Variants in NRCAM observed in about 807,000 individuals in gnomAD.
NRCAM encodes the protein neuronal cell adhesion molecule, also known as NgCAM-related cell adhesion molecule.
In NRCAM, 83 loss-of-function variants were observed where a neutral mutation model predicts 156.5. That is an observed-to-expected ratio of 0.53 (90% CI 0.44 to 0.64). The LOEUF is 0.64. Ranked by LOEUF, NRCAM falls within the 30% of genes least tolerant of loss-of-function variation. The probability of loss-of-function intolerance (pLI) is 0.00; values close to 1 mark genes in which losing one functional copy is unlikely to be tolerated. For missense variants in NRCAM, 1,417 were observed against 1,597.3 expected, an observed-to-expected ratio of 0.89 and a Z score of 1.92; for synonymous variants, 538 against 563.9, an observed-to-expected ratio of 0.95 and a Z score of 0.65.
chr7:108,369,068 A>T (rs1478287497), intron 2 of NRCAM, among the ~76,000 whole-genome samples: 3 of 152,190 alleles, frequency 2.0e-5, no homozygotes, highest in Non-Finnish European at 4.4e-5. Flanking sequence ...TGTAAAACCA[A>T]TTTGAAGATT....
At chr7:108,247,401 T>C (rs1266119945) in intron 3 of NRCAM, among the ~76,000 whole-genome samples, 1 of 152,210 alleles carries the variant, frequency 6.6e-6, no homozygotes, top group African/African-American at 2.4e-5. Flanking sequence ...TGTGGCAATG[T>C]AGACTTCTCT....
intron 5 of NRCAM, among the ~76,000 whole-genome samples, chr7:108,237,118 C>T (rs75430953): frequency 0.015 from 2,302 of 152,220 alleles, 52 homozygotes; most frequent in African/African-American, 0.047. Flanking sequence ...TTATCAAATG[C>T]CTGAAAACTG....
At chr7:108,209,971 T>C (rs1243024813) in intron 11 of NRCAM, among the ~76,000 whole-genome samples, 1 of 152,222 alleles carries the variant, frequency 6.6e-6, no homozygotes, top group East Asian at 1.9e-4. Context: ...ATTATATTAA[T>C]GATACTGAAT....
chr7:108,205,654 C>CT lies in NRCAM; in HGVS notation c.1207+1873dup, dbSNP rs1219904740. ...ACTTCCATAAATGGACACAAAAACT[C>CT]TGAGCTGCAAAACATGGTGCAAAAG... On this transcript the variant is annotated intron_variant, in intron 13 of 32. Coordinates refer to ENST00000379028, the MANE Select transcript of NRCAM (RefSeq NM_001037132.4). Among the ~76,000 whole-genome samples the CT allele has an allele frequency of 7.2e-5, 11 of 152,320 alleles. No homozygotes were observed. In the South Asian group the frequency reaches 2.3e-3, roughly 32 times the overall value.
intron 2 of NRCAM, among the ~76,000 whole-genome samples, chr7:108,331,564 T>C (rs1350555235): frequency 6.6e-6 from 1 of 152,206 alleles, no homozygotes. Context: ...AGTACCTTCT[T>C]TGGAAGGCTA....
rs1223944631 is a variant in NRCAM at position 108,149,848 on chromosome 7, GACAA to G, written c.*58_*61del. The stretch of plus-strand genomic sequence containing the variant: ...CATATGTTCATAGTATGAGAGGGCT[GACAA>G]ACAAGTGCTTAGGATAAACATTCTA... On this transcript the variant is annotated 3_prime_UTR_variant, in exon 33 of 33. Coordinates refer to ENST00000379028, the MANE Select transcript of NRCAM (RefSeq NM_001037132.4). 19 of 1,371,012 alleles carry G rather than the reference GACAA, an allele frequency of 1.4e-5. No homozygotes were observed. Among genetic ancestry groups the G allele is most frequent in the Middle Eastern group, 1.8e-4 (1 of 5,410 alleles). 84.9% of individuals were successfully genotyped at this position (1,371,012 alleles called of 1,614,324 possible).
Position 108,194,012 on chromosome 7 carries a change from G to C in NRCAM, c.1778+12C>G. ...AGAATGAAGAGAAAGTAAAGAAATC[G>C]TCTTCAAATACCTTTCATCACTGGG... On this transcript the variant is annotated intron_variant, in intron 17 of 32. Transcript: ENST00000379028. The C allele has an allele frequency of 6.2e-7, 1 of 1,609,988 alleles. No homozygotes were observed. Among genetic ancestry groups the C allele is most frequent in the Non-Finnish European group, 8.5e-7 (1 of 1,177,370 alleles).
At chr7:108,312,597 C>T (rs1002723561) in intron 3 of NRCAM, 68 bp downstream of exon 3, 1 of 152,148 alleles carries the variant, frequency 6.6e-6, no homozygotes, top group African/African-American at 2.4e-5. Context: ...TACATAATCA[C>T]ATTATTTAAT....
intron 3 of NRCAM, among the ~76,000 whole-genome samples, chr7:108,268,619 T>TGGGGGGGGGGGGGGGG (rs1230361621): frequency 2.0e-5 from 1 of 49,266 alleles, no homozygotes; most frequent in African/African-American, 1.1e-4. Context: ...GGGGCGGGGG[T>TGGGGGGGGGGGGGGGG]GGGGGTGGGG....
chr7:108,360,122 C>T (rs2154315838), intron 2 of NRCAM, among the ~76,000 whole-genome samples: 1 of 152,236 alleles, frequency 6.6e-6, no homozygotes. Context: ...AATGTAATTT[C>T]AGCAGCATAT....
At chr7:108,292,050 T>C (rs553157419) in intron 3 of NRCAM, among the ~76,000 whole-genome samples, 1 of 152,328 alleles carries the variant, frequency 6.6e-6, no homozygotes, top group African/African-American at 2.4e-5. Context: ...CTGATAGTGG[T>C]CAGGGAAATA....
intron 8 of NRCAM, among the ~76,000 whole-genome samples, chr7:108,228,649 A>C (rs939441941): frequency 6.6e-6 from 1 of 152,214 alleles, no homozygotes; most frequent in Admixed American, 6.5e-5. Flanking sequence ...GTGAGTGGAA[A>C]AATTAGTTAT....
At chr7:108,403,002 T>C (rs920531375) in intron 1 of NRCAM, among the ~76,000 whole-genome samples, 1 of 152,194 alleles carries the variant, frequency 6.6e-6, no homozygotes, top group South Asian at 2.1e-4. Context: ...CAAACCGAAC[T>C]TTCTACTTTA....
intron 13 of NRCAM, among the ~76,000 whole-genome samples, chr7:108,201,896 T>C (rs1037906152): frequency 2.0e-5 from 3 of 152,162 alleles, no homozygotes; most frequent in African/African-American, 7.2e-5. Flanking sequence ...CCTCTCTCCA[T>C]GGGAGTTTTC....
chr7:108,369,573 A>G (rs1312186704), intron 2 of NRCAM, among the ~76,000 whole-genome samples: 1 of 152,050 alleles, frequency 6.6e-6, no homozygotes, highest in Non-Finnish European at 1.5e-5. Context: ...TTATTTGCTC[A>G]TATCACATTT....
In NRCAM at chr7:108,167,078, G is replaced by T; in HGVS notation, c.3314-5C>A. 4 of 1,609,644 alleles carry T rather than the reference G, an allele frequency of 2.5e-6. No individual in the cohort carries two copies. Among genetic ancestry groups the T allele is most frequent in the Non-Finnish European group, 3.4e-6 (4 of 1,177,594 alleles). ...CTTTTCTCCATTCTTCTTTGCCTATGGAAATTTTGCAAAAACAACACATTT... is the reference window on the plus strand; with the variant it reads ...CTTTTCTCCATTCTTCTTTGCCTATTGAAATTTTGCAAAAACAACACATTT... On this transcript the variant is annotated splice_polypyrimidine_tract_variant and splice_region_variant and intron_variant, in intron 29 of 32. Coordinates refer to ENST00000379028, the MANE Select transcript of NRCAM (RefSeq NM_001037132.4).
chr7:108,347,231 T>C (rs2154284477), intron 2 of NRCAM, among the ~76,000 whole-genome samples: 1 of 152,058 alleles, frequency 6.6e-6, no homozygotes. Context: ...AGAGATGGGA[T>C]TTCACCGTGT....
At chr7:108,259,450 C>A (rs1220053898) in intron 3 of NRCAM, among the ~76,000 whole-genome samples, 1 of 152,138 alleles carries the variant, frequency 6.6e-6, no homozygotes, top group African/African-American at 2.4e-5. Flanking sequence ...CCTCAAAGAC[C>A]TAGAACCAGA....
At chr7:108,428,013 A>G (rs962011997) in intron 1 of NRCAM, among the ~76,000 whole-genome samples, 4 of 152,208 alleles carry the variant, frequency 2.6e-5, no homozygotes, top group Non-Finnish European at 4.4e-5. Context: ...TATGTATAAT[A>G]AAAAGGGGTC....
Sources: gnomAD v4.1 joint callset for allele counts (sites outside exome capture counted in the v4.1 genomes callset) on GRCh38, gnomAD v4.1.1 for gene constraint, MANE v1.5 for transcripts, NCBI Gene and HGNC (gene_info 2026-07-23, HGNC 2026-07-21) for gene names.